Variants in PTGER3 observed in about 807,000 individuals in gnomAD.
PTGER3 encodes prostaglandin E2 receptor EP3 subtype.
A neutral mutation model predicts 34.7 loss-of-function variants in PTGER3; 22 were observed. The observed-to-expected ratio is 0.63, with a 90% CI of 0.45 to 0.91. The LOEUF (loss-of-function observed/expected upper bound fraction) is 0.91. Ranked by LOEUF, PTGER3 falls within the 40% of genes least tolerant of loss-of-function variation. The probability of loss-of-function intolerance (pLI) is 0.00; values close to 1 mark genes in which losing one functional copy is unlikely to be tolerated. For synonymous variants in PTGER3, 241 were observed against 230.1 expected (o/e 1.05, Z -0.43); for missense variants, 468 against 519.4 (o/e 0.90, Z 0.96).
intron 4 of PTGER3, chr1:70,886,445 G>A (rs1646501226): frequency 4.0e-6 from 1 of 252,372 alleles, no homozygotes; most frequent in Non-Finnish European, 8.6e-6. Context: ...CTAAAGAAGA[G>A]ACTGAAATCA....
At chr1:70,908,975 G>T (rs995451217) in intron 4 of PTGER3, among the ~76,000 whole-genome samples, 3 of 152,168 alleles carry the variant, frequency 2.0e-5, no homozygotes, top group African/African-American at 4.8e-5. Flanking sequence ...TGCAGAGCTA[G>T]GATTCAAAAC....
At chr1:70,969,385 C>T (rs576175913), downstream of PTGER3, among the ~76,000 whole-genome samples, 3 of 152,206 alleles carry the variant, frequency 2.0e-5, no homozygotes, top group Non-Finnish European at 2.9e-5. Flanking sequence ...ATGTTACCTT[C>T]GCTGATAATT....
chr1:70,857,595 G>A (rs911070216), intron 4 of PTGER3, among the ~76,000 whole-genome samples: 1 of 151,956 alleles, frequency 6.6e-6, no homozygotes, highest in Non-Finnish European at 1.5e-5. Context: ...GAGTGCAGTG[G>A]CATGATCTCG....
At position 70,971,099 on chromosome 1, in the gene PTGER3, C is replaced by T; in HGVS notation, c.*631G>A. ...TTAGAAATAACAATTAAGCAGATTC[C>T]TGAGTTACTAAATGACACATAACTA... is the stretch of plus-strand genomic sequence containing the variant. On this transcript the variant is annotated 3_prime_UTR_variant, in exon 4 of 4. Coordinates refer to ENST00000306666, the MANE Select transcript of PTGER3 (RefSeq NM_198719.2). 3 of 985,302 alleles carry T rather than the reference C, an allele frequency of 3.0e-6. No homozygotes were observed. The highest frequency in any genetic ancestry group is 3.6e-6 in the Non-Finnish European group (3 of 829,916). The allele number at this position is 985,302 out of a possible 1,614,324, so 61.0% of individuals were successfully genotyped here.
intron 4 of PTGER3, among the ~76,000 whole-genome samples, chr1:70,905,681 A>T (rs1646931539): frequency 6.6e-6 from 1 of 152,010 alleles, no homozygotes; most frequent in Non-Finnish European, 1.5e-5. Context: ...CCCTCATTGT[A>T]TCTAGGAAGC....
chr1:70,929,114 A>T (rs1401112285), intron 4 of PTGER3, among the ~76,000 whole-genome samples: 2 of 152,178 alleles, frequency 1.3e-5, no homozygotes, highest in Non-Finnish European at 2.9e-5. Flanking sequence ...TGTCATAGAA[A>T]ACATATGACT....
At position 70,974,311 on chromosome 1, in the gene PTGER3, G is replaced by T; in HGVS notation, c.1155C>A (p.Ser385Arg). Residue 385 changes from serine (S) to arginine (R), a missense_variant, in exon 3 of 4, where the codon AGC (serine) becomes AGA (arginine). Around this residue, in one of 5 missense-constraint regions of PTGER3, gnomAD observed 57 missense variants for 43.8 expected, o/e 1.30. Transcript: ENST00000306666. ...PCQCSSTLMW[S>R]DHLER ...CTAAATCTCACCTTTCCAAATGGTC[G>T]CTCCACATCAAGGTTGAGGAACACT... 6.3e-7 allele frequency: 1 copy of T among 1,591,202 alleles called. No homozygotes were observed. The highest frequency in any genetic ancestry group is 8.6e-7 in the Non-Finnish European group (1 of 1,159,562).
chr1:70,981,378 TC>T (rs1187972286), intron 2 of PTGER3, among the ~76,000 whole-genome samples: 1 of 102,216 alleles, frequency 9.8e-6, no homozygotes, highest in Admixed American at 1.1e-4. Context: ...TTTCTTTCTT[TC>T]TTTCTTTCTT....
intron 4 of PTGER3, among the ~76,000 whole-genome samples, chr1:70,857,800 A>C (rs1645842307): frequency 6.6e-6 from 1 of 152,080 alleles, no homozygotes; most frequent in African/African-American, 2.4e-5. Flanking sequence ...TCCCAGAGGA[A>C]AATATTTTCT....
intron 4 of PTGER3, among the ~76,000 whole-genome samples, chr1:70,884,518 T>C (rs1461354669): frequency 5.9e-5 from 9 of 152,176 alleles, no homozygotes; most frequent in Admixed American, 5.9e-4. Flanking sequence ...GCATCACCAC[T>C]TTCCTGCTGA....
intron 4 of PTGER3, among the ~76,000 whole-genome samples, chr1:70,898,362 G>A (rs1219778354): frequency 6.6e-6 from 1 of 152,108 alleles, no homozygotes; most frequent in Non-Finnish European, 1.5e-5. Context: ...TCCACAGCCT[G>A]CTCATCTCTA....
chr1:70,973,221 TGATAGATAGATA>T (rs72155144), intron 3 of PTGER3, among the ~76,000 whole-genome samples: 11,555 of 137,554 alleles, frequency 0.084, 474 homozygotes, highest in Non-Finnish European at 0.095. Context: ...GATAGATAGA[TGATAGATAGATA>T]GATAGATAGA....
In PTGER3 at chr1:70,914,748, C is replaced by G. The variant is rs369575162; in HGVS notation, c.*23+39015G>C. 4.3e-4 allele frequency among the ~76,000 whole-genome samples: 66 copies of G among 151,874 alleles called. No homozygotes were observed. In the South Asian group the frequency reaches 9.6e-3, roughly 22 times the overall value. The stretch of plus-strand genomic sequence containing the variant: ...TGTTAATATATTGAATAATAGCTTC[C>G]CAATCATTAGTTAACTGGGATGATT... On this transcript the variant is annotated intron_variant, in intron 4 of 4. Coordinates refer to the PTGER3 transcript ENST00000370931.
At chr1:70,921,367 C>T (rs1647504569) in intron 4 of PTGER3, among the ~76,000 whole-genome samples, 1 of 152,134 alleles carries the variant, frequency 6.6e-6, no homozygotes, top group Admixed American at 6.6e-5. Context: ...CCCATCTTGC[C>T]TCAGGCAATG....
chr1:70,884,063 G>A lies in PTGER3; in HGVS notation c.*24-31204C>T, dbSNP rs182350374. On this transcript the variant is annotated intron_variant, in intron 4 of 4. Transcript: ENST00000370931. ...AATCACTCCACTGCACTCCAGTCTG[G>A]GTGAGAGAGCAAGACTCCATCTCAA... 1.1e-3 allele frequency: 423 copies of A among 401,596 alleles called. 3 individuals carry two copies. Among genetic ancestry groups the A allele is most frequent in the African/African-American group, 8.5e-3 (400 of 46,784 alleles). 24.9% of individuals were successfully genotyped at this position (401,596 alleles called of 1,614,324 possible). A position where few individuals can be genotyped will look rare whatever the true frequency, so the allele number is the denominator to read the frequency against.
chr1:70,865,538 G>A (rs1008874785), intron 4 of PTGER3: 13 of 1,019,754 alleles, frequency 1.3e-5, no homozygotes, highest in Non-Finnish European at 1.7e-5. Context: ...ATCTCTTCAG[G>A]GTTCTTGACT....
chr1:70,922,012 G>T (rs1378327758), intron 4 of PTGER3, among the ~76,000 whole-genome samples: 2 of 152,128 alleles, frequency 1.3e-5, no homozygotes, highest in African/African-American at 2.4e-5. Context: ...GGACAATTTT[G>T]TTGGTAAAAT....
At chr1:71,007,970 A>G in intron 2 of PTGER3, 1 of 985,234 alleles carries the variant, frequency 1.0e-6, no homozygotes, top group Non-Finnish European at 1.2e-6. Flanking sequence ...TACTCCCATA[A>G]TAAATTCTTC....
At chr1:70,873,198 A>G (rs953347731) in intron 4 of PTGER3, among the ~76,000 whole-genome samples, 3 of 152,196 alleles carry the variant, frequency 2.0e-5, no homozygotes, top group Admixed American at 1.3e-4. Flanking sequence ...AGGAAAATAT[A>G]GGAAGAATAA....
Sources: allele counts gnomAD v4.1 joint callset (sites outside exome capture counted in the v4.1 genomes callset), GRCh38; gene constraint gnomAD v4.1.1; regional missense constraint gnomAD v4.1.1; transcripts MANE v1.5; gene names NCBI Gene and HGNC (gene_info 2026-07-23, HGNC 2026-07-21).